The following CSMD3 variants were observed in gnomAD, a reference collection of about 807,000 sequenced individuals.
The protein encoded by CSMD3 is CUB and Sushi multiple domains 3.
In CSMD3, 177 loss-of-function variants were observed where a neutral mutation model predicts 435.2. That is an observed-to-expected ratio of 0.41 (90% CI 0.36 to 0.46). The LOEUF (loss-of-function observed/expected upper bound fraction) is 0.46. Ranked by LOEUF, CSMD3 falls within the 20% of genes least tolerant of loss-of-function variation. The pLI is 0.34. For missense variants in CSMD3, 4,265 were observed against 4,504.6 expected (o/e 0.95, Z 1.52); for synonymous variants, 1,656 against 1,520.5 (o/e 1.09, Z -2.07).
chr8:113,338,706 TG>T (rs2094095514), intron 1 of CSMD3, among the ~76,000 whole-genome samples: 1 of 151,902 alleles, frequency 6.6e-6, no homozygotes, highest in South Asian at 2.1e-4. Context: ...GATTAGTGGT[TG>T]ATTAGGACTG....
intron 12 of CSMD3, among the ~76,000 whole-genome samples, chr8:112,801,413 T>C (rs1315149719): frequency 6.6e-6 from 1 of 151,988 alleles, no homozygotes; most frequent in Non-Finnish European, 1.5e-5. Context: ...TTACAGGATT[T>C]ATGGGAATTT....
At chr8:113,188,509 C>T (rs2092540589) in intron 3 of CSMD3, among the ~76,000 whole-genome samples, 1 of 151,894 alleles carries the variant, frequency 6.6e-6, no homozygotes, top group South Asian at 2.1e-4. Flanking sequence ...TAATAGTGTG[C>T]AATTGGGAAC....
At chr8:112,225,471 AG>A in intron 70 of CSMD3, among the ~76,000 whole-genome samples, 1 of 152,282 alleles carries the variant, frequency 6.6e-6, no homozygotes, top group Middle Eastern at 3.4e-3. Context: ...TATGATGAAA[AG>A]GAAAATGGTT....
At chr8:112,913,527 A>G (rs578046987) in intron 10 of CSMD3, among the ~76,000 whole-genome samples, 1 of 152,100 alleles carries the variant, frequency 6.6e-6, no homozygotes, top group South Asian at 2.1e-4. Flanking sequence ...AGAATTTACA[A>G]TAAACTATTG....
intron 11 of CSMD3, among the ~76,000 whole-genome samples, chr8:112,850,675 C>T (rs902489516): frequency 3.3e-5 from 5 of 152,100 alleles, no homozygotes; most frequent in Non-Finnish European, 5.9e-5. Context: ...ACAATGTAAT[C>T]GCTACAGACT....
intron 5 of CSMD3, among the ~76,000 whole-genome samples, chr8:113,064,635 A>AGTGGTGG (rs2088774576): frequency 6.6e-6 from 1 of 152,218 alleles, no homozygotes; most frequent in African/African-American, 2.4e-5. Context: ...AAGGCCACCC[A>AGTGGTGG]GTGGTGAGCT....
intron 11 of CSMD3, among the ~76,000 whole-genome samples, chr8:112,843,082 A>G (rs1444028006): frequency 6.6e-6 from 1 of 151,866 alleles, no homozygotes; most frequent in Non-Finnish European, 1.5e-5. Context: ...ATAAGCATCA[A>G]TTCTATCCAA....
intron 1 of CSMD3, among the ~76,000 whole-genome samples, chr8:113,350,208 G>C (rs934646251): frequency 6.6e-6 from 1 of 151,944 alleles, no homozygotes; most frequent in Non-Finnish European, 1.5e-5. Context: ...ACCCAGCTAA[G>C]CCCAGACAGC....
intron 32 of CSMD3, among the ~76,000 whole-genome samples, chr8:112,430,906 G>GTGT (rs1354569559): frequency 2.0e-5 from 3 of 151,394 alleles, no homozygotes; most frequent in African/African-American, 7.3e-5. Context: ...ATGTGTGTGT[G>GTGT]TGTGTGTGTG....
At chr8:113,436,000 A>G (rs1242786464) in intron 1 of CSMD3, among the ~76,000 whole-genome samples, 1 of 151,994 alleles carries the variant, frequency 6.6e-6, no homozygotes, top group African/African-American at 2.4e-5. Context: ...TCAGCTAATG[A>G]CTTTCCTCCT....
chr8:112,298,552 T>C (rs1346476609), intron 53 of CSMD3, among the ~76,000 whole-genome samples: 2 of 152,064 alleles, frequency 1.3e-5, no homozygotes, highest in African/African-American at 4.8e-5. Flanking sequence ...AGGCAAGTCA[T>C]AGAATAAGAG....
chr8:113,406,883 A>G (rs1204279837), intron 1 of CSMD3, among the ~76,000 whole-genome samples: 1 of 152,102 alleles, frequency 6.6e-6, no homozygotes, highest in Non-Finnish European at 1.5e-5. Flanking sequence ...CAAGTGTTTC[A>G]AAAACTCCAT....
chr8:113,117,393 G>T lies in CSMD3; in HGVS notation c.710-18430C>A, dbSNP rs557185296. ...ACACAGAAGTCAAGAATTGAGGTTT[G>T]GGAACCTCAGCCTAGATTTCAGAGG... On this transcript the variant is annotated intron_variant, in intron 4 of 70. Transcript: ENST00000297405. Among the ~76,000 whole-genome samples, 94 of 152,322 alleles carry T rather than the reference G, an allele frequency of 6.2e-4. 1 individual carries two copies. The highest frequency in any genetic ancestry group is 2.2e-3 in the African/African-American group (92 of 41,578).
chr8:112,840,189 G>A (rs1218854074), intron 11 of CSMD3, among the ~76,000 whole-genome samples: 5 of 151,740 alleles, frequency 3.3e-5, no homozygotes, highest in African/African-American at 7.2e-5. Context: ...TCTGGAGCCA[G>A]TAGTTAGGAA....
At chr8:113,023,173 T>C (rs1008311724) in intron 5 of CSMD3, among the ~76,000 whole-genome samples, 19 of 152,200 alleles carry the variant, frequency 1.2e-4, no homozygotes, top group Admixed American at 1.1e-3. Flanking sequence ...TTTCAAACTT[T>C]CTCAAATTTT....
chr8:112,305,588 T>A (rs1034224474), intron 51 of CSMD3, among the ~76,000 whole-genome samples: 1 of 152,084 alleles, frequency 6.6e-6, no homozygotes, highest in Non-Finnish European at 1.5e-5. Context: ...CAGAAGAATA[T>A]CAACAAAAGT....
chr8:112,281,234 G>A lies in CSMD3; in HGVS notation c.9448C>T (p.Pro3150Ser), dbSNP rs2130578421. 6.2e-7 allele frequency: 1 copy of A among 1,613,302 alleles called. No homozygotes were observed. Among genetic ancestry groups the A allele is most frequent in the Non-Finnish European group, 8.5e-7 (1 of 1,179,424 alleles). ...SCMEGYILSG[P>S]SVRQCTANGT... ...TTGGCTGTGCACTGTCTAACTGAAG[G>A]TCCAGAAAGGATGTATCCCTCCATG... The change falls in exon 59 of 71, where the codon CCT becomes TCT. Residue 3150 changes from proline to serine, a missense_variant. By Grantham distance (74) the Pro-to-Ser change is moderately conservative (BLOSUM62 -1). Transcript: ENST00000297405.
chr8:112,639,313 A>G (rs978061149), intron 20 of CSMD3, among the ~76,000 whole-genome samples: 3 of 152,152 alleles, frequency 2.0e-5, no homozygotes, highest in African/African-American at 4.8e-5. Flanking sequence ...GCTTAATATT[A>G]TAGCACTTAA....
chr8:112,279,589 T>A (rs1466183192), intron 59 of CSMD3, among the ~76,000 whole-genome samples: 1 of 152,180 alleles, frequency 6.6e-6, no homozygotes, highest in Non-Finnish European at 1.5e-5. Flanking sequence ...AGGTCTACAG[T>A]AATTAAGAAC....
Sources: gnomAD v4.1 joint callset for allele counts (sites outside exome capture counted in the v4.1 genomes callset) on GRCh38, gnomAD v4.1.1 for gene constraint, MANE v1.5 for transcripts, NCBI Gene and HGNC (gene_info 2026-07-23, HGNC 2026-07-21) for gene names.